The following ZNF423 variants were observed in gnomAD, a reference collection of about 807,000 sequenced individuals.
ZNF423 encodes the protein Ebf-associated zinc finger protein.
In ZNF423, 12 loss-of-function variants were observed where a neutral mutation model predicts 95.8. The ratio of observed to expected loss-of-function variants is 0.13; its 90% CI spans 0.08 to 0.20. The LOEUF (loss-of-function observed/expected upper bound fraction) is 0.20. Ranked by LOEUF, ZNF423 falls within the 10% of genes least tolerant of loss-of-function variation. The probability of loss-of-function intolerance (pLI) is 1.00; values close to 1 mark genes in which losing one functional copy is unlikely to be tolerated. For synonymous variants in ZNF423, 749 were observed against 711.9 expected, an observed-to-expected ratio of 1.05 and a Z score of -0.83; for missense variants, 1,316 against 1,737.1, an observed-to-expected ratio of 0.76 and a Z score of 4.31.
intron 1 of ZNF423, among the ~76,000 whole-genome samples, chr16:49,820,074 A>ATGGATGGATGGG (rs1012278235): frequency 6.7e-6 from 1 of 149,650 alleles, no homozygotes; most frequent in Non-Finnish European, 1.5e-5. Context: ...GGATGGATGC[A>ATGGATGGATGGG]TGGATGGATG....
intron 3 of ZNF423, among the ~76,000 whole-genome samples, chr16:49,677,954 G>A (rs1483577645): frequency 6.6e-6 from 1 of 152,026 alleles, no homozygotes; most frequent in Non-Finnish European, 1.5e-5. Flanking sequence ...AGGCCGAGGC[G>A]GGTAGATCAT....
intron 5 of ZNF423, among the ~76,000 whole-genome samples, chr16:49,617,239 G>GC (rs1026212696): frequency 1.3e-5 from 2 of 152,096 alleles, no homozygotes; most frequent in African/African-American, 2.4e-5. Flanking sequence ...TCCCCGCTGG[G>GC]CCCCAAGGAT....
At chr16:49,790,977 CTGCTCTACGTGG>C (rs1224110256) in intron 1 of ZNF423, among the ~76,000 whole-genome samples, 2 of 152,132 alleles carry the variant, frequency 1.3e-5, no homozygotes, top group African/African-American at 4.8e-5. Flanking sequence ...TCAAACAGTC[CTGCTCTACGTGG>C]TGCTCTACAT....
chr16:49,677,297 A>AGAAGGGAAGGGAAGG (rs2031127388), intron 3 of ZNF423, among the ~76,000 whole-genome samples: 6 of 78,270 alleles, frequency 7.7e-5, no homozygotes, highest in South Asian at 7.1e-4. Flanking sequence ...AGAAGAGAAG[A>AGAAGGGAAGGGAAGG]GAAGAGAAGA....
intron 3 of ZNF423, among the ~76,000 whole-genome samples, chr16:49,692,535 C>T (rs1385941702): frequency 1.3e-5 from 2 of 152,226 alleles, no homozygotes; most frequent in Non-Finnish European, 2.9e-5. Flanking sequence ...ACCCCCACTG[C>T]CTCCTTTCAC....
chr16:49,731,420 G>A (rs1016959958), intron 2 of ZNF423: 18 of 974,732 alleles, frequency 1.8e-5, no homozygotes, highest in Non-Finnish European at 2.0e-5. Context: ...AGGCCTCCCA[G>A]GGCAGTGACG....
Position 49,611,858 on chromosome 16 carries a change from A to G in ZNF423, c.3601+14312T>C, listed in dbSNP as rs140610125. Among the ~76,000 whole-genome samples, 20 of 152,190 alleles carry G rather than the reference A, an allele frequency of 1.3e-4. 1 individual carries two copies. The East Asian group carries it at 3.8e-3, about 29-fold the overall frequency. ...AATAATAAGGGAATAATACTATGAA[A>G]AACTCTACATACATAAATTTGATAA... is the stretch of plus-strand genomic sequence containing the variant. On this transcript the variant is annotated intron_variant, in intron 5 of 7. Coordinates refer to ENST00000563137, the MANE Select transcript of ZNF423 (RefSeq NM_001379286.1).
chr16:49,689,676 G>A lies in ZNF423; in HGVS notation c.301+41095C>T, dbSNP rs2031705980. On this transcript the variant is annotated intron_variant, in intron 3 of 7. Transcript: ENST00000563137. ...TGAGAGTTACTGCAAGCAATCCCGT[G>A]TGGCACCCCGGGGGCCCCAAAGGCA... Among the ~76,000 whole-genome samples the A allele has an allele frequency of 2.0e-5, 3 of 152,154 alleles. No homozygotes were observed. In the South Asian group the frequency reaches 6.2e-4, roughly 32 times the overall value.
chr16:49,517,397 A>G (rs1186785320), intron 7 of ZNF423, among the ~76,000 whole-genome samples: 1 of 152,208 alleles, frequency 6.6e-6, no homozygotes, highest in Non-Finnish European at 1.5e-5. Flanking sequence ...ATGCTCGAAG[A>G]CAACTGTCCC....
rs149521561 is a variant in ZNF423 at position 49,541,027 on chromosome 16, C to T, written c.3602-15533G>A. Among the ~76,000 whole-genome samples, 460 of 152,336 alleles carry T rather than the reference C, an allele frequency of 3.0e-3. 3 individuals carry two copies. The highest frequency in any genetic ancestry group is 6.8e-3 in the Middle Eastern group (2 of 294). On this transcript the variant is annotated intron_variant, in intron 5 of 7. Transcript: ENST00000563137. ...TGCCAAGAGCAGGATGTCCTCAGAACCCGGCTGAAGAACTCAGCTCCACAG... is the reference window on the plus strand; with the variant it reads ...TGCCAAGAGCAGGATGTCCTCAGAATCCGGCTGAAGAACTCAGCTCCACAG...
chr16:49,848,157 T>G (rs911377894), intron 1 of ZNF423, among the ~76,000 whole-genome samples: 1 of 152,082 alleles, frequency 6.6e-6, no homozygotes, highest in Non-Finnish European at 1.5e-5. Flanking sequence ...TACGTATATT[T>G]TATCAAAATT....
At chr16:49,798,683 T>C (rs1210684327) in intron 1 of ZNF423, among the ~76,000 whole-genome samples, 1 of 152,256 alleles carries the variant, frequency 6.6e-6, no homozygotes, top group Non-Finnish European at 1.5e-5. Context: ...TACTGATAGA[T>C]GGTCAGTGGG....
intron 3 of ZNF423, among the ~76,000 whole-genome samples, chr16:49,661,756 G>C (rs1423904716): frequency 6.6e-6 from 1 of 152,210 alleles, no homozygotes; most frequent in Non-Finnish European, 1.5e-5. Context: ...CACCATGGAG[G>C]CTGCATTCCG....
intron 5 of ZNF423, among the ~76,000 whole-genome samples, chr16:49,605,837 G>A (rs925596402): frequency 5.3e-5 from 8 of 152,214 alleles, no homozygotes; most frequent in Non-Finnish European, 8.8e-5. Flanking sequence ...CCAATAGACT[G>A]TGAAACAAGG....
intron 1 of ZNF423, among the ~76,000 whole-genome samples, chr16:49,808,965 C>T (rs1043182230): frequency 6.6e-6 from 1 of 152,308 alleles, no homozygotes; most frequent in Non-Finnish European, 1.5e-5. Context: ...AAGGATACCA[C>T]TGAGGGCCAG....
intron 5 of ZNF423, among the ~76,000 whole-genome samples, chr16:49,584,483 G>C (rs958396480): frequency 6.6e-6 from 1 of 152,154 alleles, no homozygotes; most frequent in Non-Finnish European, 1.5e-5. Context: ...AGAGCTATAG[G>C]AATTGTCTGT....
chr16:49,683,612 G>C (rs942085344), intron 3 of ZNF423, among the ~76,000 whole-genome samples: 1 of 152,166 alleles, frequency 6.6e-6, no homozygotes, highest in East Asian at 1.9e-4. Flanking sequence ...AGTTCCCTTA[G>C]GGGCTACTGT....
At chr16:49,702,961 G>C (rs1567300394) in intron 3 of ZNF423, among the ~76,000 whole-genome samples, 1 of 151,458 alleles carries the variant, frequency 6.6e-6, no homozygotes, top group East Asian at 1.9e-4. Flanking sequence ...TCCATGGCAG[G>C]ATAAAGCACC....
intron 1 of ZNF423, among the ~76,000 whole-genome samples, chr16:49,792,002 C>CAATA (rs1719339137): frequency 2.8e-5 from 2 of 71,264 alleles, no homozygotes; most frequent in Admixed American, 1.5e-4. Context: ...GACTCCATCT[C>CAATA]AAAAAAAAAA....
Sources: gnomAD v4.1 joint callset for allele counts (sites outside exome capture counted in the v4.1 genomes callset) on GRCh38, gnomAD v4.1.1 for gene constraint, MANE v1.5 for transcripts, NCBI Gene and HGNC (gene_info 2026-07-23, HGNC 2026-07-21) for gene names.